Variants in NTM observed in about 807,000 individuals in gnomAD.
The protein encoded by NTM is neurotrimin, also known as IgLON family member 2.
In NTM, 13 loss-of-function variants were observed where a neutral mutation model predicts 42.1. That is an observed-to-expected ratio of 0.31 (90% CI 0.20 to 0.49). The LOEUF is 0.49. NTM is among the 20% of genes least tolerant of loss of function. The probability of loss-of-function intolerance (pLI) is 0.99; values close to 1 mark genes in which losing one functional copy is unlikely to be tolerated. For synonymous variants in NTM, 187 were observed against 179.2 expected (o/e 1.04, Z -0.35); for missense variants, 373 against 452.8 (o/e 0.82, Z 1.60).
At chr11:131,585,231 T>C (rs931665467) in intron 1 of NTM, among the ~76,000 whole-genome samples, 3 of 152,176 alleles carry the variant, frequency 2.0e-5, no homozygotes, top group South Asian at 2.1e-4. Context: ...GAGGGGTTTT[T>C]CCCCCCTTCC....
At chr11:132,308,606 A>G (rs965114057) in intron 5 of NTM, among the ~76,000 whole-genome samples, 1 of 151,756 alleles carries the variant, frequency 6.6e-6, no homozygotes, top group Non-Finnish European at 1.5e-5. Context: ...AGAACTCAAT[A>G]ACTAAATCGG....
intron 1 of NTM, among the ~76,000 whole-genome samples, chr11:131,850,274 A>T (rs2045379866): frequency 6.6e-6 from 1 of 152,196 alleles, no homozygotes; most frequent in Non-Finnish European, 1.5e-5. Flanking sequence ...TAGGGCATTC[A>T]TTAGGTTAAA....
chr11:131,805,214 CT>C (rs1447863304), intron 1 of NTM, among the ~76,000 whole-genome samples: 7 of 152,206 alleles, frequency 4.6e-5, no homozygotes, highest in Non-Finnish European at 7.3e-5. Flanking sequence ...CCAGCCTCAC[CT>C]TCCAACCTGA....
chr11:131,865,666 C>T lies in NTM; in HGVS notation c.83-45898C>T, dbSNP rs532799449. On this transcript the variant is annotated intron_variant, in intron 1 of 8. Transcript: ENST00000683400. Reference sequence around the variant, plus strand: ...ACAGGTGCACACACACAGGTACACACTACACACACACTCACATACACACCA... The same window carrying T: ...ACAGGTGCACACACACAGGTACACATTACACACACACTCACATACACACCA... 4.0e-3 allele frequency among the ~76,000 whole-genome samples: 615 copies of T among 152,004 alleles called. 5 individuals carry two copies. The highest frequency in any genetic ancestry group is 0.014 in the African/African-American group (579 of 41,462).
chr11:131,956,047 G>C (rs1801280989), intron 2 of NTM, among the ~76,000 whole-genome samples: 1 of 152,190 alleles, frequency 6.6e-6, no homozygotes, highest in African/African-American at 2.4e-5. Context: ...AGGGAAGCCA[G>C]TGTCTGGAGG....
At chr11:132,169,319 A>ATTTTTTTTT (rs1491121130) in intron 3 of NTM, among the ~76,000 whole-genome samples, 1 of 10,290 alleles carries the variant, frequency 9.7e-5, no homozygotes, top group Admixed American at 1.1e-3. Context: ...TAATTTTTTT[A>ATTTTTTTTT]CTTTTTTTTT....
chr11:132,315,158 G>A (rs575429302), intron 7 of NTM: 1 of 840,778 alleles, frequency 1.2e-6, no homozygotes, highest in Non-Finnish European at 1.4e-6. Flanking sequence ...AGAACTCAGA[G>A]GGGAATGTTT....
At chr11:131,686,575 AGAG>A (rs1238922055) in intron 1 of NTM, among the ~76,000 whole-genome samples, 7 of 152,166 alleles carry the variant, frequency 4.6e-5, no homozygotes, top group African/African-American at 9.6e-5. Flanking sequence ...CGGAGGCAGA[AGAG>A]GAGGAGGCAG....
intron 1 of NTM, among the ~76,000 whole-genome samples, chr11:131,584,256 AGT>A (rs2058664031): frequency 1.3e-5 from 2 of 152,216 alleles, no homozygotes; most frequent in Admixed American, 1.3e-4. Flanking sequence ...CAATAATTGC[AGT>A]GTGAAAAGTG....
At chr11:131,728,474 T>G (rs2079222448) in intron 1 of NTM, among the ~76,000 whole-genome samples, 1 of 152,202 alleles carries the variant, frequency 6.6e-6, no homozygotes, top group Non-Finnish European at 1.5e-5. Context: ...GAGATACCAT[T>G]CCCTCCCTGG....
intron 4 of NTM, among the ~76,000 whole-genome samples, chr11:132,301,567 A>T (rs912044542): frequency 6.6e-6 from 1 of 152,158 alleles, no homozygotes; most frequent in Non-Finnish European, 1.5e-5. Flanking sequence ...CCATGCCTTC[A>T]TCCAGTCAAA....
chr11:131,965,778 G>T (rs2062758690), intron 2 of NTM, among the ~76,000 whole-genome samples: 1 of 152,178 alleles, frequency 6.6e-6, no homozygotes, highest in South Asian at 2.1e-4. Flanking sequence ...GAAAACTTCA[G>T]TGGACTATCA....
chr11:132,065,783 T>G (rs144237752), intron 2 of NTM, among the ~76,000 whole-genome samples: 7 of 152,330 alleles, frequency 4.6e-5, no homozygotes, highest in African/African-American at 1.7e-4. Context: ...TGACATACAT[T>G]AGTTCATCGT....
intron 1 of NTM, among the ~76,000 whole-genome samples, chr11:131,410,950 C>T (rs1455187779): frequency 2.0e-5 from 3 of 152,206 alleles, no homozygotes; most frequent in African/African-American, 7.2e-5. Flanking sequence ...AAACTCCAAA[C>T]ACTACAGCGT....
chr11:132,048,818 C>CTTTTTT (rs10563617), intron 2 of NTM, among the ~76,000 whole-genome samples: 3 of 132,990 alleles, frequency 2.3e-5, no homozygotes, highest in Non-Finnish European at 4.8e-5. Context: ...TTTCTTTTTT[C>CTTTTTT]TTTTTTTTTT....
At chr11:131,426,583 G>A (rs1321786835) in intron 1 of NTM, among the ~76,000 whole-genome samples, 2 of 152,172 alleles carry the variant, frequency 1.3e-5, no homozygotes, top group East Asian at 1.9e-4. Context: ...AAACAAAAGA[G>A]CTGAGTTATC....
Position 131,472,252 on chromosome 11 carries a change from T to C in NTM, c.82+101364T>C, listed in dbSNP as rs1187893690. 3.9e-5 allele frequency among the ~76,000 whole-genome samples: 6 copies of C among 152,184 alleles called. No individual in the cohort carries two copies. In the East Asian group the frequency reaches 1.2e-3, roughly 29 times the overall value. On this transcript the variant is annotated intron_variant, in intron 1 of 8. Transcript: ENST00000683400. Reference sequence around the variant, plus strand: ...AATTACACTGGGTATCCCCCCTGCATGGTGTCAGCCCCCACTCTCTGGAAG... The same window carrying C: ...AATTACACTGGGTATCCCCCCTGCACGGTGTCAGCCCCCACTCTCTGGAAG...
intron 4 of NTM, among the ~76,000 whole-genome samples, chr11:132,228,319 G>T (rs1036099791): frequency 1.3e-5 from 2 of 152,186 alleles, no homozygotes; most frequent in African/African-American, 2.4e-5. Context: ...GAGGAAGCAG[G>T]CAGCCTCAGT....
intron 1 of NTM, among the ~76,000 whole-genome samples, chr11:131,738,380 G>T (rs2080758597): frequency 6.6e-6 from 1 of 152,142 alleles, no homozygotes; most frequent in Non-Finnish European, 1.5e-5. Context: ...CATTTCCCAT[G>T]GTCTCTACAC....
Sources: gnomAD v4.1 joint callset for allele counts (sites outside exome capture counted in the v4.1 genomes callset) on GRCh38, gnomAD v4.1.1 for gene constraint, MANE v1.5 for transcripts, NCBI Gene and HGNC (gene_info 2026-07-23, HGNC 2026-07-21) for gene names.